DSG1: variants seen among roughly 807,000 people sequenced by gnomAD.
DSG1 encodes the protein desmoglein 1, also known as desmoglein-1.
Under a neutral mutation model 97.5 loss-of-function variants are expected in DSG1, and 39 were observed. That is an observed-to-expected ratio of 0.40 (90% CI 0.31 to 0.52). The LOEUF (loss-of-function observed/expected upper bound fraction) is 0.52. Among genes scored for constraint, DSG1 ranks in the 20% least tolerant of loss-of-function variants. The probability of loss-of-function intolerance (pLI) is 0.53; values close to 1 mark genes in which losing one functional copy is unlikely to be tolerated. For synonymous variants in DSG1, 475 were observed against 443.4 expected (o/e 1.07, Z -0.90); for missense variants, 1,311 against 1,295.4 (o/e 1.01, Z -0.18).
At chr18:31,323,976 C>CTTTTTTTTTTTTTT (rs1203163479) in intron 1 of DSG1, among the ~76,000 whole-genome samples, 58 of 94,990 alleles carry the variant, frequency 6.1e-4, no homozygotes, top group South Asian at 1.7e-3. Context: ...TCTCTCCTTC[C>CTTTTTTTTTTTTTT]TTTTTTTTTT....
At chr18:31,333,362 A>C (rs188477678) in intron 6 of DSG1, among the ~76,000 whole-genome samples, 1 of 152,260 alleles carries the variant, frequency 6.6e-6, no homozygotes, top group Admixed American at 6.5e-5. Flanking sequence ...TATTATTATT[A>C]ATAAGAAATG....
At chr18:31,352,953 G>T (rs2071912647) in intron 14 of DSG1, among the ~76,000 whole-genome samples, 2 of 146,720 alleles carry the variant, frequency 1.4e-5, no homozygotes, top group Admixed American at 6.9e-5. Flanking sequence ...ATCGTCTGAA[G>T]CCTTCTTCTC....
intron 1 of DSG1, among the ~76,000 whole-genome samples, chr18:31,322,366 A>C (rs1383579251): frequency 1.3e-5 from 2 of 152,256 alleles, no homozygotes; most frequent in Non-Finnish European, 2.9e-5. Flanking sequence ...GCTATTAAAC[A>C]TAGAAATAAT....
chr18:31,329,746 C>T, intron 4 of DSG1, 146 bp from the exon 5 acceptor site: 3 of 979,396 alleles, frequency 3.1e-6, no homozygotes, highest in Non-Finnish European at 4.7e-6. Flanking sequence ...TTTGCTTTCC[C>T]TTAGTGACTG....
intron 6 of DSG1, among the ~76,000 whole-genome samples, chr18:31,332,253 T>C (rs935144429): frequency 4.6e-5 from 7 of 152,170 alleles, no homozygotes; most frequent in African/African-American, 1.7e-4. Context: ...TTACAGTGCA[T>C]GCGAGTATGC....
intron 11 of DSG1, among the ~76,000 whole-genome samples, chr18:31,341,334 T>A (rs10468901): frequency 6.6e-6 from 1 of 152,136 alleles, no homozygotes; most frequent in South Asian, 2.1e-4. Flanking sequence ...AGAGCGCTTA[T>A]GTATAAAATA....
chr18:31,322,243 C>T (rs2071658663), intron 1 of DSG1, among the ~76,000 whole-genome samples: 1 of 152,234 alleles, frequency 6.6e-6, no homozygotes, highest in Admixed American at 6.5e-5. Context: ...TGGTGCCTTG[C>T]ACCAGTGCAA....
chr18:31,343,623 T>G, intron 12 of DSG1, 40 bp downstream of exon 12: 1 of 1,614,018 alleles, frequency 6.2e-7, no homozygotes, highest in Non-Finnish European at 8.5e-7. Context: ...TGGTAGTCAC[T>G]GAAATTCAGT....
intron 1 of DSG1, among the ~76,000 whole-genome samples, chr18:31,323,469 A>G (rs1380179977): frequency 6.6e-6 from 1 of 152,088 alleles, no homozygotes; most frequent in East Asian, 1.9e-4. Flanking sequence ...TTTAATCTCT[A>G]TCTTTCCTTG....
In DSG1 at chr18:31,339,934, C is replaced by G; in HGVS notation, c.1596C>G (p.Pro532=). 2 of 1,613,980 alleles carry G rather than the reference C, an allele frequency of 1.2e-6. No individual in the cohort carries two copies. Among genetic ancestry groups the G allele is most frequent in the Non-Finnish European group, 1.7e-6 (2 of 1,179,970 alleles). The change falls in exon 11 of 15, where the codon CCC becomes CCG. Residue 532 remains proline (P), a synonymous_variant. Transcript: ENST00000257192. The stretch of plus-strand genomic sequence containing the variant: ...CTAGCCAAGTATATTCTTCTGAACC[C>G]GGAAACGGAGCCAAAGATTTGTTAT... ...TDSSQVYSSE[P]GNGAKDLLSD...
rs78916740 is a variant in DSG1 at position 31,339,632 on chromosome 18, A to G, written c.1406-112A>G. ...GATGATTTTCAAGTTAGGAGAAATT[A>G]TGGGAATAAAGACACTGAAATAAAT... On this transcript the variant is annotated intron_variant, in intron 10 of 14. Coordinates refer to ENST00000257192, the MANE Select transcript of DSG1 (RefSeq NM_001942.4). 8.0e-4 allele frequency: 592 copies of G among 737,840 alleles called. 2 individuals carry two copies. In the African/African-American group the frequency reaches 9.4e-3, roughly 12 times the overall value. 45.7% of individuals were successfully genotyped at this position (737,840 alleles called of 1,614,324 possible). A position where few individuals can be genotyped will look rare whatever the true frequency, so the allele number is the denominator to read the frequency against.
chr18:31,354,825 T>G lies in DSG1; in HGVS notation c.2629T>G (p.Leu877Val), dbSNP rs781069090. 6.2e-7 allele frequency: 1 copy of G among 1,614,074 alleles called. No individual in the cohort carries two copies. The highest frequency in any genetic ancestry group is 1.1e-5 in the South Asian group (1 of 91,072). The change falls in exon 15 of 15, where the codon TTG becomes GTG. Residue 877 changes from leucine (L) to valine (V), a missense_variant. This residue lies in a region of DSG1 where 1,038 missense variants were observed against 964.6 expected (regional missense o/e 1.08). Coordinates refer to ENST00000257192, the MANE Select transcript of DSG1 (RefSeq NM_001942.4). ...RVVGPISGADLHGMLEMPDLR... is the reference protein window; with the variant it reads ...RVVGPISGADVHGMLEMPDLR... The stretch of plus-strand genomic sequence containing the variant: ...GGTCGGCCCAATCTCTGGCGCTGAT[T>G]TGCATGGAATGTTAGAGATGCCTGA...
intron 12 of DSG1, 113 bp from the exon 13 acceptor site, chr18:31,343,813 G>GTA: frequency 8.6e-7 from 1 of 1,157,680 alleles, no homozygotes; most frequent in East Asian, 2.5e-5. Context: ...TTCCTAAATA[G>GTA]TATTTTTTTT....
chr18:31,335,634 G>T (rs1191942116), intron 8 of DSG1, among the ~76,000 whole-genome samples: 1 of 151,516 alleles, frequency 6.6e-6, no homozygotes, highest in Non-Finnish European at 1.5e-5. Flanking sequence ...AAATAGGGGA[G>T]TTCAATGCGT....
At chr18:31,345,336 C>G (rs2071823057) in intron 13 of DSG1, 1 of 151,492 alleles carries the variant, frequency 6.6e-6, no homozygotes, top group Admixed American at 6.6e-5. Context: ...TCACCTACCT[C>G]AAATATTTCT....
chr18:31,326,450 A>G lies in DSG1; in HGVS notation c.49-131A>G, dbSNP rs896322735. ...AAGACATAAACCAAATCCACCTGCT[A>G]TTTGGCTGATAAAATAATTTTAATG... On this transcript the variant is annotated intron_variant, in intron 1 of 14. Transcript: ENST00000257192. 12 of 732,054 alleles carry G rather than the reference A, an allele frequency of 1.6e-5. No individual in the cohort carries two copies. In the African/African-American group the frequency reaches 2.1e-4, roughly 13 times the overall value. The allele number at this position is 732,054 out of a possible 1,614,324, so 45.3% of individuals were successfully genotyped here. A position where few individuals can be genotyped will look rare whatever the true frequency, so the allele number is the denominator to read the frequency against.
chr18:31,344,821 G>C (rs2144108993), intron 13 of DSG1, among the ~76,000 whole-genome samples: 1 of 152,232 alleles, frequency 6.6e-6, no homozygotes, highest in Middle Eastern at 3.4e-3. Flanking sequence ...CTTTTCTCAA[G>C]GTAAATAAAT....
chr18:31,351,851 G>A (rs1413192659), intron 14 of DSG1, among the ~76,000 whole-genome samples: 2 of 151,872 alleles, frequency 1.3e-5, no homozygotes, highest in African/African-American at 4.8e-5. Flanking sequence ...TTTATTTTGA[G>A]CCTATGTGTG....
intron 1 of DSG1, 62 bp from the exon 2 acceptor site, chr18:31,326,519 T>C: frequency 8.0e-7 from 1 of 1,245,562 alleles, no homozygotes; most frequent in South Asian, 1.3e-5. Context: ...AGTAACTGGA[T>C]AATATAAATT....
Sources: allele counts gnomAD v4.1 joint callset (sites outside exome capture counted in the v4.1 genomes callset), GRCh38; gene constraint gnomAD v4.1.1; regional missense constraint gnomAD v4.1.1; transcripts MANE v1.5; gene names NCBI Gene and HGNC (gene_info 2026-07-23, HGNC 2026-07-21).